MARCHF1: variants seen among roughly 807,000 people sequenced by gnomAD.
MARCHF1 encodes the protein membrane associated ring-CH-type finger 1.
Under a neutral mutation model 54.2 loss-of-function variants are expected in MARCHF1, and 40 were observed. The observed-to-expected ratio is 0.74, with a 90% CI of 0.57 to 0.96. MARCHF1 has a LOEUF of 0.96. Among genes scored for constraint, MARCHF1 ranks in the 40% least tolerant of loss-of-function variants. The pLI is 0.00. For synonymous variants in MARCHF1, 236 were observed against 236.3 expected (o/e 1.00, Z 0.01); for missense variants, 586 against 656.5 (o/e 0.89, Z 1.17).
rs75594619 is a variant in MARCHF1, at chr4:164,193,204, A to C, written c.-322-81542T>G. 3.2e-3 allele frequency among the ~76,000 whole-genome samples: 490 copies of C among 152,222 alleles called. 5 individuals carry two copies. Among genetic ancestry groups the C allele is most frequent in the African/African-American group, 0.011 (449 of 41,544 alleles). On this transcript the variant is annotated intron_variant, in intron 1 of 9. Coordinates refer to ENST00000514618, the MANE Select transcript of MARCHF1 (RefSeq NM_001394959.1). ...GCCATGACACTTGACAATCACCGTG[A>C]ATCACCTTTTTCGGAAGATGCCAAA...
chr4:164,156,684 C>T (rs745971293), intron 1 of MARCHF1, among the ~76,000 whole-genome samples: 1 of 152,134 alleles, frequency 6.6e-6, no homozygotes. Context: ...GGATTACAGG[C>T]TCCCAAAGTG....
chr4:163,638,193 G>A (rs1742415420), intron 5 of MARCHF1, among the ~76,000 whole-genome samples: 1 of 150,072 alleles, frequency 6.7e-6, no homozygotes, highest in African/African-American at 2.5e-5. Flanking sequence ...GTATACGTAT[G>A]TAACTAACCA....
chr4:164,352,587 G>T (rs915125492), intron 1 of MARCHF1, among the ~76,000 whole-genome samples: 81 of 149,114 alleles, frequency 5.4e-4, no homozygotes, highest in African/African-American at 1.9e-3. Flanking sequence ...CACCAGGCCT[G>T]CCCTAAAAGA....
At position 163,704,248 on chromosome 4, in the gene MARCHF1, A is replaced by T. The variant is rs1177917944; in HGVS notation, c.112-3385T>A. Among the ~76,000 whole-genome samples the T allele has an allele frequency of 1.3e-5, 2 of 151,964 alleles. 1 individual carries two copies. Among genetic ancestry groups the T allele is most frequent in the African/African-American group, 4.8e-5 (2 of 41,532 alleles). ...AAAAATCCCAAGTATTTGAAAGGAGAAACTAAGGTAATTTGGAGGGTCATC... is the reference window on the plus strand; with the variant it reads ...AAAAATCCCAAGTATTTGAAAGGAGTAACTAAGGTAATTTGGAGGGTCATC... On this transcript the variant is annotated intron_variant, in intron 4 of 9. Coordinates refer to ENST00000514618, the MANE Select transcript of MARCHF1 (RefSeq NM_001394959.1).
intron 2 of MARCHF1, among the ~76,000 whole-genome samples, chr4:164,075,536 T>G (rs1484732861): frequency 1.3e-5 from 2 of 152,230 alleles, no homozygotes; most frequent in Non-Finnish European, 2.9e-5. Context: ...CATCCTCACC[T>G]GACATCAGAC....
At chr4:164,033,807 A>G (rs1465820158) in intron 2 of MARCHF1, among the ~76,000 whole-genome samples, 1 of 152,078 alleles carries the variant, frequency 6.6e-6, no homozygotes, top group Admixed American at 6.6e-5. Context: ...AAATAGTAAC[A>G]CTTTTTACAT....
chr4:164,244,898 A>T (rs1039609571), intron 1 of MARCHF1, among the ~76,000 whole-genome samples: 1 of 151,958 alleles, frequency 6.6e-6, no homozygotes, highest in Non-Finnish European at 1.5e-5. Flanking sequence ...CTCTCCCAAG[A>T]CTAAACCAGG....
At chr4:163,883,637 C>G (rs780797652) in intron 3 of MARCHF1, among the ~76,000 whole-genome samples, 1 of 152,056 alleles carries the variant, frequency 6.6e-6, no homozygotes, top group Admixed American at 6.6e-5. Flanking sequence ...TACAAGATGC[C>G]TAGTTAAATT....
At chr4:163,698,112 T>G (rs1054853979) in intron 5 of MARCHF1, among the ~76,000 whole-genome samples, 2 of 152,178 alleles carry the variant, frequency 1.3e-5, no homozygotes, top group Non-Finnish European at 2.9e-5. Context: ...GGATGTTAAA[T>G]AACCTTCCTA....
In MARCHF1 at chr4:164,339,638, A is replaced by C. The variant is rs572330505; in HGVS notation, c.-323+44232T>G. Among the ~76,000 whole-genome samples, 3 of 152,264 alleles carry C rather than the reference A, an allele frequency of 2.0e-5. No homozygotes were observed. The East Asian group carries it at 5.8e-4, about 29-fold the overall frequency. ...TAAAAAAGAAAGATCTCAAATAAAC[A>C]ACCTAACTTCACACCTTCAGGAATT... On this transcript the variant is annotated intron_variant, in intron 1 of 9. Coordinates refer to ENST00000514618, the MANE Select transcript of MARCHF1 (RefSeq NM_001394959.1).
rs1038063093 is a variant in MARCHF1, at chr4:164,188,875, C to T, written c.-322-77213G>A. On this transcript the variant is annotated intron_variant, in intron 1 of 9. Transcript: ENST00000514618. ...AGGCTTATTTGAGAAAGAAGTTTAC[C>T]CATGCAGTTTTTACCTTACCAGCCT... 1.4e-5 allele frequency: 11 copies of T among 778,464 alleles called. No individual in the cohort carries two copies. In the African/African-American group the frequency reaches 1.9e-4, roughly 13 times the overall value. 48.2% of individuals were successfully genotyped at this position (778,464 alleles called of 1,614,324 possible). A position where few individuals can be genotyped will look rare whatever the true frequency, so the allele number is the denominator to read the frequency against.
At chr4:163,923,109 G>T (rs73868943) in intron 3 of MARCHF1, among the ~76,000 whole-genome samples, 2,078 of 152,196 alleles carry the variant, frequency 0.014, 55 homozygotes, top group African/African-American at 0.048. Flanking sequence ...CACACTTACG[G>T]TGATCCAGGG....
intron 1 of MARCHF1, among the ~76,000 whole-genome samples, chr4:164,302,868 T>G (rs1240704498): frequency 8.8e-6 from 1 of 114,244 alleles, no homozygotes; most frequent in Non-Finnish European, 1.8e-5. Context: ...GAGACTGTCT[T>G]AAAAAAAAAA....
At chr4:163,915,126 CTT>C (rs1214746328) in intron 3 of MARCHF1, among the ~76,000 whole-genome samples, 2 of 151,906 alleles carry the variant, frequency 1.3e-5, no homozygotes, top group Admixed American at 1.3e-4. Context: ...ACCTCTTGCT[CTT>C]ATGTAAAGAT....
intron 4 of MARCHF1, among the ~76,000 whole-genome samples, chr4:163,816,340 C>A (rs1748531079): frequency 6.6e-6 from 1 of 151,114 alleles, no homozygotes. Context: ...TTCAAAAAAG[C>A]ATTTAGAACA....
intron 1 of MARCHF1, among the ~76,000 whole-genome samples, chr4:164,297,302 C>G (rs1034983151): frequency 1.3e-5 from 2 of 152,088 alleles, no homozygotes; most frequent in Non-Finnish European, 2.9e-5. Context: ...AAGGTAACTT[C>G]ATAGTGGAGA....
chr4:163,992,005 A>G (rs1314579581), intron 2 of MARCHF1, among the ~76,000 whole-genome samples: 1 of 144,110 alleles, frequency 6.9e-6, no homozygotes, highest in Non-Finnish European at 1.5e-5. Flanking sequence ...TAAAAGGTAA[A>G]CAAAGAAAAA....
intron 5 of MARCHF1, among the ~76,000 whole-genome samples, chr4:163,651,820 C>T (rs1742979130): frequency 1.3e-5 from 2 of 149,714 alleles, no homozygotes; most frequent in Non-Finnish European, 3.0e-5. Flanking sequence ...TAAAGTTAGT[C>T]CAAGGCATTA....
At chr4:164,061,098 T>C (rs1188983728) in intron 2 of MARCHF1, among the ~76,000 whole-genome samples, 2 of 152,142 alleles carry the variant, frequency 1.3e-5, no homozygotes, top group Non-Finnish European at 2.9e-5. Context: ...TATTGCAGTC[T>C]TTCTACATCT....
Sources: allele counts gnomAD v4.1 joint callset (sites outside exome capture counted in the v4.1 genomes callset), GRCh38; gene constraint gnomAD v4.1.1; transcripts MANE v1.5; gene names NCBI Gene and HGNC (gene_info 2026-07-23, HGNC 2026-07-21).